Variants in FAT2 observed in about 807,000 individuals in gnomAD.
FAT2 encodes protocadherin Fat 2.
Under a neutral mutation model 295.3 loss-of-function variants are expected in FAT2, and 150 were observed. The ratio of observed to expected loss-of-function variants is 0.51; its 90% CI spans 0.44 to 0.58. The LOEUF is 0.58. Ranked by LOEUF, FAT2 falls within the 20% of genes least tolerant of loss-of-function variation. FAT2 has a pLI of 0.00. For synonymous variants in FAT2, 2,026 were observed against 2,150.3 expected (o/e 0.94, Z 1.60); for missense variants, 4,868 against 5,442.7 (o/e 0.89, Z 3.32).
chr5:151,540,343 C>T (rs1755991228), intron 11 of FAT2, among the ~76,000 whole-genome samples: 1 of 151,984 alleles, frequency 6.6e-6, no homozygotes, highest in Admixed American at 6.5e-5. Flanking sequence ...CCTCGGTCCT[C>T]CTTTCTCCTG....
chr5:151,545,406 G>T lies in FAT2; in HGVS notation c.5721C>A (p.Ile1907=), dbSNP rs769134592. The change falls in exon 10 of 24, where the codon ATC becomes ATA. Residue 1907 remains isoleucine, a synonymous_variant. Transcript: ENST00000261800. ...SDEDSEVNYS[I]KTGNADEAVT... is the part of the protein sequence containing the mutation. ...CAGCTTCATCAGCATTGCCAGTTTT[G>T]ATGCTATAATTGACTTCTGAGTCTT... 6 of 1,614,162 alleles carry T rather than the reference G, an allele frequency of 3.7e-6. No individual in the cohort carries two copies. The Admixed American group carries it at 1.0e-4, about 27-fold the overall frequency.
chr5:151,525,634 G>T, intron 18 of FAT2, 134 bp downstream of exon 18: 1 of 907,024 alleles, frequency 1.1e-6, no homozygotes, highest in Non-Finnish European at 1.7e-6. Context: ...GTCCTGAGAA[G>T]GACCTAGCCC....
At chr5:151,537,733 T>TG in intron 12 of FAT2, 60 bp downstream of exon 12, 1 of 1,509,348 alleles carries the variant, frequency 6.6e-7, no homozygotes, top group Admixed American at 1.9e-5. Flanking sequence ...ACCATGGCAC[T>TG]GGGCACTTGG....
Position 151,531,836 on chromosome 5 carries a change from G to C in FAT2, c.9562C>G (p.Arg3188Gly), listed in dbSNP as rs1459272162. Residue 3188 changes from arginine (R) to glycine (G), a missense_variant, in exon 14 of 24, where the codon CGT becomes GGT. Physicochemically the swap from Arg to Gly is moderately radical, Grantham distance 125. Around this residue, in one of 5 missense-constraint regions of FAT2, gnomAD observed 1,046 missense variants for 1,210.1 expected, o/e 0.86. Coordinates refer to ENST00000261800, the MANE Select transcript of FAT2 (RefSeq NM_001447.3). The surrounding 1 kb of genome is among the most constrained non-coding windows in gnomAD (Gnocchi z 5.7). ...ATTGGGGTGCCCAGGTCAGAGGCAC[G>C]GACCGTGAGCTCCAGTGGTGCCTGG... ...RPQAPLELTV[R>G]ASDLGTPIPL... The C allele has an allele frequency of 1.2e-6, 2 of 1,613,854 alleles. No homozygotes were observed. The highest frequency in any genetic ancestry group is 1.7e-6 in the Non-Finnish European group (2 of 1,180,030).
chr5:151,512,728 T>C lies in FAT2; in HGVS notation c.11464-122A>G. On this transcript the variant is annotated intron_variant, in intron 20 of 23. Transcript: ENST00000261800. The surrounding 1 kb of genome is among the most constrained non-coding windows in gnomAD (Gnocchi z 4.1). ...TGGGTAGGAGGGGGGTGTTTGGCTG[T>C]TTTAGACATGGCATTTGCAGAGCAT... The C allele has an allele frequency of 1.1e-6, 1 of 889,594 alleles. No individual in the cohort carries two copies. The highest frequency in any genetic ancestry group is 1.7e-6 in the Non-Finnish European group (1 of 586,028). The allele number at this position is 889,594 out of a possible 1,614,324, so 55.1% of individuals were successfully genotyped here.
rs768871219 is a variant in FAT2 at position 151,505,498 on chromosome 5, G to C, written c.*67C>G. 146 of 1,591,264 alleles carry C rather than the reference G, an allele frequency of 9.2e-5. No individual in the cohort carries two copies. The highest frequency in any genetic ancestry group is 1.2e-4 in the Non-Finnish European group (142 of 1,166,810). ...CAGCCACACTCAACTCACCCCCTAC[G>C]AGACAGGAAGAAATAAGCCAAGTCC... On this transcript the variant is annotated 3_prime_UTR_variant, in exon 24 of 24. Coordinates refer to ENST00000261800, the MANE Select transcript of FAT2 (RefSeq NM_001447.3).
chr5:151,584,066 A>C (rs1229704205), intron 1 of FAT2, among the ~76,000 whole-genome samples: 1 of 151,462 alleles, frequency 6.6e-6, no homozygotes, highest in Non-Finnish European at 1.5e-5. Flanking sequence ...GAAGACTTTA[A>C]TTAAAAAAGA....
chr5:151,545,371 T>G lies in FAT2; in HGVS notation c.5756A>C (p.His1919Pro). ...CACAGATATGCTACCAGTGACAGGA[T>G]GGATGGTAACAGCTTCATCAGCATT... The part of the protein sequence containing the change: ...TGNADEAVTI[H>P]PVTGSISVLN... The change falls in exon 10 of 24, where the codon CAT (histidine) becomes CCT (proline). Residue 1919 changes from histidine (H) to proline (P), a missense_variant. By Grantham distance (77) the His-to-Pro change is moderately conservative. Transcript: ENST00000261800. 1 of 1,614,168 alleles carries G rather than the reference T, an allele frequency of 6.2e-7. No homozygotes were observed. The highest frequency in any genetic ancestry group is 8.5e-7 in the Non-Finnish European group (1 of 1,180,024).
Position 151,543,545 on chromosome 5 carries a change from T to C in FAT2, c.7582A>G (p.Lys2528Glu). 1.2e-6 allele frequency: 2 copies of C among 1,614,182 alleles called. No homozygotes were observed. Among genetic ancestry groups the C allele is most frequent in the Non-Finnish European group, 1.7e-6 (2 of 1,180,032 alleles). The change falls in exon 10 of 24, where the codon AAG becomes GAG. Residue 2528 changes from lysine (K) to glutamate (E), a missense_variant. By Grantham distance (56) the Lys-to-Glu change is moderately conservative. This residue lies in a region of FAT2 where 3,297 missense variants were observed against 3,669.4 expected (regional missense o/e 0.90). Transcript: ENST00000261800. ...YTIINKLASEKFSINPNGQIA... is the reference protein window; with the variant it reads ...YTIINKLASEEFSINPNGQIA... ...TGGCCATTGGGGTTTATGGAGAACT[T>C]CTCACTTGCTAGTTTATTGATGATA...
In FAT2 at chr5:151,504,133, C is replaced by T. The variant is rs1754011320; in HGVS notation, c.*1432G>A. On this transcript the variant is annotated 3_prime_UTR_variant, in exon 24 of 24. Transcript: ENST00000261800. ...TACTTTATTGTTAAAAAAAAAATGA[C>T]CAATGAAACTATGTATCTGTCACTC... 6.6e-6 allele frequency: 1 copy of T among 152,384 alleles called. No individual in the cohort carries two copies. Among genetic ancestry groups the T allele is most frequent in the Admixed American group, 6.6e-5 (1 of 15,258 alleles). The allele number at this position is 152,384 out of a possible 1,614,324, so 9.4% of individuals were successfully genotyped here. A position where few individuals can be genotyped will look rare whatever the true frequency, so the allele number is the denominator to read the frequency against.
At chr5:151,557,711 C>T (rs1336517630) in intron 3 of FAT2, among the ~76,000 whole-genome samples, 4 of 152,232 alleles carry the variant, frequency 2.6e-5, no homozygotes, top group Admixed American at 2.6e-4. Flanking sequence ...TTTATTGCCT[C>T]AGCCAACCTG....
At chr5:151,549,259 T>C in intron 9 of FAT2, 36 bp downstream of exon 9, 4 of 1,595,536 alleles carry the variant, frequency 2.5e-6, no homozygotes, top group Non-Finnish European at 3.4e-6. Context: ...TAAAGCATCT[T>C]GACCCATCCT....
intron 12 of FAT2, among the ~76,000 whole-genome samples, chr5:151,536,133 G>A (rs561118446): frequency 6.6e-6 from 1 of 152,134 alleles, no homozygotes; most frequent in African/African-American, 2.4e-5. Flanking sequence ...GGAGGAAGGG[G>A]TTATCATGCA....
Position 151,565,700 on chromosome 5 carries a change from C to G in FAT2, c.3232G>C (p.Ala1078Pro). The G allele has an allele frequency of 7.3e-7, 1 of 1,377,440 alleles. No individual in the cohort carries two copies. Among genetic ancestry groups the G allele is most frequent in the Non-Finnish European group, 9.7e-7 (1 of 1,031,048 alleles). The allele number at this position is 1,377,440 out of a possible 1,614,324, so 85.3% of individuals were successfully genotyped here. ...GTATCTTGGTTGATGCTGAAGGCTG[C>G]GAGTCCAGTGCCAGCACGCAGGAAG... is the stretch of plus-strand genomic sequence containing the variant. ...QYFLRAGTGL[A>P]AFSINQDTGM... The change falls in exon 2 of 24, where the codon GCA becomes CCA. Residue 1078 changes from alanine (A) to proline (P), a missense_variant. Ala to Pro is a conservative substitution (Grantham distance 27). Transcript: ENST00000261800.
chr5:151,548,370 G>A (rs939125799), intron 9 of FAT2, among the ~76,000 whole-genome samples: 1 of 151,660 alleles, frequency 6.6e-6, no homozygotes, highest in African/African-American at 2.4e-5. Flanking sequence ...ATAATTAGTT[G>A]GATACTGGAT....
intron 1 of FAT2, among the ~76,000 whole-genome samples, chr5:151,578,246 C>T (rs1758819361): frequency 6.6e-6 from 1 of 152,126 alleles, no homozygotes; most frequent in African/African-American, 2.4e-5. Flanking sequence ...GAATGGGCCT[C>T]GTTTTGTGGG....
intron 19 of FAT2, among the ~76,000 whole-genome samples, chr5:151,520,122 T>C (rs1354513881): frequency 6.6e-6 from 1 of 152,230 alleles, no homozygotes; most frequent in Non-Finnish European, 1.5e-5. Flanking sequence ...GAGTGGTCCC[T>C]GGACAAAGTC....
chr5:151,508,051 T>A lies in FAT2; in HGVS notation c.12060-440A>T, dbSNP rs550250014. 3.5e-4 allele frequency among the ~76,000 whole-genome samples: 53 copies of A among 152,278 alleles called. 1 individual carries two copies. Among genetic ancestry groups the A allele is most frequent in the Admixed American group, 2.0e-3 (30 of 15,298 alleles). The stretch of plus-strand genomic sequence containing the variant: ...CAGGAGGTCACAGGAGCCAACGTGG[T>A]CCTGCACAGATCAGCCACCTTACAA... On this transcript the variant is annotated intron_variant, in intron 22 of 23. Coordinates refer to ENST00000261800, the MANE Select transcript of FAT2 (RefSeq NM_001447.3).
upstream of FAT2, among the ~76,000 whole-genome samples, chr5:151,592,127 G>A (rs755801185): frequency 3.9e-4 from 59 of 152,298 alleles, no homozygotes; most frequent in Middle Eastern, 6.8e-3. Flanking sequence ...GCTTTGATGC[G>A]TTTTATGAGG....
Sources: allele counts gnomAD v4.1 joint callset (sites outside exome capture counted in the v4.1 genomes callset), GRCh38; gene constraint gnomAD v4.1.1; regional missense constraint gnomAD v4.1.1; non-coding constraint Gnocchi (gnomAD v3.1); transcripts MANE v1.5; gene names NCBI Gene and HGNC (gene_info 2026-07-23, HGNC 2026-07-21).